CTDSP1: variants seen among roughly 807,000 people sequenced by gnomAD.
The protein encoded by CTDSP1 is carboxy-terminal domain RNA polymerase II polypeptide A small phosphatase 1.
A neutral mutation model predicts 32.5 loss-of-function variants in CTDSP1; 15 were observed. That is an observed-to-expected ratio of 0.46 (90% CI 0.31 to 0.71). The LOEUF (loss-of-function observed/expected upper bound fraction) is 0.71, where lower values mean the gene tolerates loss of function less well. Ranked by LOEUF, CTDSP1 falls within the 30% of genes least tolerant of loss-of-function variation. The pLI, the probability that CTDSP1 is intolerant of heterozygous loss-of-function variation, is 0.05. For synonymous variants in CTDSP1, 185 were observed against 145.4 expected, an observed-to-expected ratio of 1.27 and a Z score of -1.96; for missense variants, 294 against 351.1, an observed-to-expected ratio of 0.84 and a Z score of 1.30.
chr2:218,402,562 T>G, intron 4 of CTDSP1, 157 bp downstream of exon 4: 1 of 827,572 alleles, frequency 1.2e-6, no homozygotes, highest in Non-Finnish European at 2.1e-6. Flanking sequence ...ACACAGAACC[T>G]CAAGGGCTTG....
rs781700464 is a variant in CTDSP1, at chr2:218,401,545, T to C, written c.68-19T>C. The C allele has an allele frequency of 1.2e-6, 2 of 1,613,132 alleles. No individual in the cohort carries two copies. ...GGCCAGTGTGCACCGAGCCTCCAAC[T>C]TGTGCCTCCCTACTTCAGGTGACCA... On this transcript the variant is annotated intron_variant, in intron 1 of 6. Transcript: ENST00000273062.
chr2:218,401,717 G>A lies in CTDSP1; in HGVS notation c.216+5G>A, dbSNP rs372485935. ...GAGAATGGCGCCATCCCTAAGGTGC[G>A]TGGGGGCCAGGTGGGGCCACGGGGG... On this transcript the variant is annotated splice_donor_5th_base_variant and intron_variant, in intron 2 of 6. Coordinates refer to ENST00000273062, the MANE Select transcript of CTDSP1 (RefSeq NM_021198.3). The A allele has an allele frequency of 7.4e-5, 115 of 1,559,890 alleles. No individual in the cohort carries two copies. The highest frequency in any genetic ancestry group is 9.3e-5 in the Non-Finnish European group (107 of 1,153,128).
At chr2:218,402,950 C>A in intron 4 of CTDSP1, 85 bp from the exon 5 acceptor site, 1 of 990,800 alleles carries the variant, frequency 1.0e-6, no homozygotes, top group Non-Finnish European at 1.6e-6. Flanking sequence ...TGCGCCTCTG[C>A]CTCCCTGGCC....
intron 2 of CTDSP1, among the ~76,000 whole-genome samples, 194 bp from the exon 3 acceptor site, chr2:218,401,917 G>T (rs61542239): frequency 6.6e-6 from 1 of 152,136 alleles, no homozygotes; most frequent in Non-Finnish European, 1.5e-5. Flanking sequence ...TTCCTACCTT[G>T]GTTTTTAGAG....
chr2:218,404,310 C>T lies in CTDSP1; in HGVS notation c.671C>T (p.Ser224Leu). The T allele has an allele frequency of 6.2e-7, 1 of 1,614,154 alleles. No homozygotes were observed. Among genetic ancestry groups the T allele is most frequent in the Non-Finnish European group, 8.5e-7 (1 of 1,180,004 alleles). The part of the protein sequence containing the change: ...FHPDNAVPVA[S>L]WFDNMSDTEL... ...CCACTTCCCCAGGTACCGGTGGCCT[C>T]GTGGTTTGACAACATGAGTGACACA... The change falls in exon 7 of 7, where the codon TCG becomes TTG. Residue 224 changes from serine (S) to leucine (L), a missense_variant. Physicochemically the swap from Ser to Leu is moderately radical, Grantham distance 145. This residue lies in a region of CTDSP1 where 146 missense variants were observed against 237.7 expected (regional missense o/e 0.61). Transcript: ENST00000273062.
chr2:218,397,952 A>G (rs936458681), upstream of CTDSP1, among the ~76,000 whole-genome samples: 12 of 152,156 alleles, frequency 7.9e-5, no homozygotes, highest in African/African-American at 2.4e-4. Flanking sequence ...GATGGGGTGG[A>G]GGAGGTGGGG....
chr2:218,399,573 C>T (rs971776722), upstream of CTDSP1: 4 of 227,866 alleles, frequency 1.8e-5, no homozygotes, highest in Non-Finnish European at 2.9e-5. Context: ...CTCGGGCACT[C>T]CCCGGCGTGG....
chr2:218,397,883 G>A (rs1696901716), upstream of CTDSP1, among the ~76,000 whole-genome samples: 1 of 152,208 alleles, frequency 6.6e-6, no homozygotes, highest in South Asian at 2.1e-4. Flanking sequence ...AGCCTGGGAG[G>A]AGGAGTTAGG....
At chr2:218,398,629 G>T (rs1414956662), upstream of CTDSP1, 2 of 452,842 alleles carry the variant, frequency 4.4e-6, no homozygotes, top group Non-Finnish European at 7.5e-6. Flanking sequence ...GCAGGGCCTG[G>T]CGGACGTGCG....
At position 218,405,733 on chromosome 2, in the gene CTDSP1, C is replaced by G. The variant is rs1262582557; in HGVS notation, c.*1308C>G. The G allele has an allele frequency of 2.0e-5, 3 of 152,884 alleles. No homozygotes were observed. The East Asian group carries it at 5.6e-4, about 29-fold the overall frequency. The allele number at this position is 152,884 out of a possible 1,614,324, so 9.5% of individuals were successfully genotyped here. ...CGATTCCGGAGGTCAAGGCCTTGGG[C>G]TCTCCCCAGGGTCTAACGGTTAAGG... On this transcript the variant is annotated 3_prime_UTR_variant, in exon 7 of 7. Transcript: ENST00000273062.
Position 218,404,668 on chromosome 2 carries a change from TG to T in CTDSP1, c.*249del, listed in dbSNP as rs992257328. The stretch of plus-strand genomic sequence containing the variant: ...CCTCCTCCCCTATTCTCAGGGGACC[TG>T]GGGGGCCCTGCCTGCTGCTCCCTTT... On this transcript the variant is annotated 3_prime_UTR_variant, in exon 7 of 7. Coordinates refer to ENST00000273062, the MANE Select transcript of CTDSP1 (RefSeq NM_021198.3). 2.2e-6 allele frequency: 1 copy of T among 459,206 alleles called. No individual in the cohort carries two copies. The allele number at this position is 459,206 out of a possible 1,614,324, so 28.4% of individuals were successfully genotyped here.
At chr2:218,402,326 C>G in intron 3 of CTDSP1, 23 bp from the exon 4 acceptor site, 2 of 1,614,032 alleles carry the variant, frequency 1.2e-6, no homozygotes, top group South Asian at 1.1e-5. Context: ...CCTCCAACTC[C>G]AGCAGCTCTT....
Position 218,399,916 on chromosome 2 carries a change from C to T in CTDSP1, c.-175C>T. 1.6e-6 allele frequency: 2 copies of T among 1,261,894 alleles called. No individual in the cohort carries two copies. Among genetic ancestry groups the T allele is most frequent in the Non-Finnish European group, 2.0e-6 (2 of 1,003,656 alleles). 78.2% of individuals were successfully genotyped at this position (1,261,894 alleles called of 1,614,324 possible). A position where few individuals can be genotyped will look rare whatever the true frequency, so the allele number is the denominator to read the frequency against. On this transcript the variant is annotated 5_prime_UTR_variant, in exon 1 of 7. Coordinates refer to ENST00000273062, the MANE Select transcript of CTDSP1 (RefSeq NM_021198.3). ...CTCCATGTTGTAACAAAGTTTCCTC[C>T]GCGCCCCCTCCCTCCCCCTCCCCCC...
chr2:218,397,465 T>C (rs946902526), upstream of CTDSP1, among the ~76,000 whole-genome samples: 5 of 152,018 alleles, frequency 3.3e-5, no homozygotes, highest in South Asian at 2.1e-4. Context: ...TGTGCACGGC[T>C]CCCCGCCTCC....
Position 218,402,106 on chromosome 2 carries a change from T to G in CTDSP1, c.217-5T>G. On this transcript the variant is annotated splice_polypyrimidine_tract_variant and splice_region_variant and intron_variant, in intron 2 of 6. Coordinates refer to ENST00000273062, the MANE Select transcript of CTDSP1 (RefSeq NM_021198.3). ...GCACCCCAGCCAGCCCCGCCCTCCCTACAGCAGACCCCAGTCCAATACCTG... is the reference window on the plus strand; with the variant it reads ...GCACCCCAGCCAGCCCCGCCCTCCCGACAGCAGACCCCAGTCCAATACCTG... The G allele has an allele frequency of 6.3e-7, 1 of 1,581,386 alleles. No homozygotes were observed.
In CTDSP1 at chr2:218,405,916, G is replaced by C. The variant is rs185320946; in HGVS notation, c.*1491G>C. The stretch of plus-strand genomic sequence containing the variant: ...GTGACTGAGAGCCCTAGTGTGATGA[G>C]AACTAAAGAGAAAGCCAGACCCCTA... On this transcript the variant is annotated 3_prime_UTR_variant, in exon 7 of 7. Coordinates refer to ENST00000273062, the MANE Select transcript of CTDSP1 (RefSeq NM_021198.3). 1 of 152,808 alleles carries C rather than the reference G, an allele frequency of 6.5e-6. No homozygotes were observed. Among genetic ancestry groups the C allele is most frequent in the African/African-American group, 2.4e-5 (1 of 41,438 alleles). The allele number at this position is 152,808 out of a possible 1,614,324, so 9.5% of individuals were successfully genotyped here.
chr2:218,400,077 G>A lies in CTDSP1; in HGVS notation c.-14G>A. On this transcript the variant is annotated 5_prime_UTR_variant, in exon 1 of 7. Coordinates refer to ENST00000273062, the MANE Select transcript of CTDSP1 (RefSeq NM_021198.3). ...CGGGCCAGAGTCCGGCCGGAGCGGA[G>A]CGCGCCCGGCCCCATGGACAGCTCG... The A allele has an allele frequency of 6.9e-7, 1 of 1,439,458 alleles. No individual in the cohort carries two copies. The highest frequency in any genetic ancestry group is 9.1e-7 in the Non-Finnish European group (1 of 1,095,666). 89.2% of individuals were successfully genotyped at this position (1,439,458 alleles called of 1,614,324 possible).
chr2:218,399,823 C>T, upstream of CTDSP1: 1 of 1,181,006 alleles, frequency 8.5e-7, no homozygotes, highest in Non-Finnish European at 1.0e-6. Flanking sequence ...GAAGCCGTTG[C>T]CCTTTTAAGG....
Position 218,401,576 on chromosome 2 carries a change from C to T in CTDSP1, c.80C>T (p.Ser27Leu), listed in dbSNP as rs371256121. Reference protein sequence around the residue: ...GPLRGKGDQKSAASQKPRSRG... With the variant: ...GPLRGKGDQKLAASQKPRSRG... ...CTCCCTACTTCAGGTGACCAGAAGT[C>T]AGCAGCTTCCCAGAAGCCCCGAAGC... Residue 27 changes from serine (S) to leucine (L), a missense_variant, in exon 2 of 7, where the codon TCA becomes TTA. Transcript: ENST00000273062. The T allele has an allele frequency of 4.3e-6, 7 of 1,613,840 alleles. No individual in the cohort carries two copies. Among genetic ancestry groups the T allele is most frequent in the Non-Finnish European group, 5.1e-6 (6 of 1,179,940 alleles).
Sources: allele counts gnomAD v4.1 joint callset (sites outside exome capture counted in the v4.1 genomes callset), GRCh38; gene constraint gnomAD v4.1.1; regional missense constraint gnomAD v4.1.1; transcripts MANE v1.5; gene names NCBI Gene and HGNC (gene_info 2026-07-23, HGNC 2026-07-21).